The following GIPC2 variants were observed in gnomAD, a reference collection of about 807,000 sequenced individuals.
GIPC2 encodes GIPC PDZ domain containing family member 2.
GIPC2 carries 30 observed loss-of-function variants against 30.6 expected under a neutral mutation model. The observed-to-expected ratio is 0.98, with a 90% CI of 0.73 to 1.33. The LOEUF (loss-of-function observed/expected upper bound fraction) is 1.33, where lower values mean the gene tolerates loss of function less well. GIPC2 is among the 40% of genes most tolerant of loss of function. The pLI, the probability that GIPC2 is intolerant of heterozygous loss-of-function variation, is 0.00. For missense variants in GIPC2, 414 were observed against 390.3 expected (o/e 1.06, Z -0.51); for synonymous variants, 167 against 150.0 (o/e 1.11, Z -0.83).
At chr1:78,050,016 C>G (rs190964792) in intron 1 of GIPC2, among the ~76,000 whole-genome samples, 9 of 151,524 alleles carry the variant, frequency 5.9e-5, no homozygotes, top group African/African-American at 2.2e-4. Context: ...CCTGCCTCAG[C>G]CTCCTGAATA....
intron 1 of GIPC2, among the ~76,000 whole-genome samples, chr1:78,079,211 C>T (rs1661781419): frequency 6.6e-6 from 1 of 152,076 alleles, no homozygotes; most frequent in Non-Finnish European, 1.5e-5. Flanking sequence ...AGTTGGGGGG[C>T]CATAGTTGTT....
At chr1:78,124,138 A>C (rs184148410) in intron 4 of GIPC2, among the ~76,000 whole-genome samples, 23 of 152,332 alleles carry the variant, frequency 1.5e-4, no homozygotes, top group Admixed American at 1.4e-3. Context: ...ATCTTTGGGC[A>C]ATTCCATTTT....
At position 78,097,246 on chromosome 1, in the gene GIPC2, A is replaced by G. The variant is rs1332049897; in HGVS notation, c.607+2114A>G. ...TGGCATTATTATTGACTCAGGGCCA[A>G]GAATTCAAATTTCATAGTCCTTCAT... On this transcript the variant is annotated intron_variant, in intron 3 of 5. Transcript: ENST00000370759. Among the ~76,000 whole-genome samples, 7 of 152,174 alleles carry G rather than the reference A, an allele frequency of 4.6e-5. No individual in the cohort carries two copies. The East Asian group carries it at 1.2e-3, about 25-fold the overall frequency.
At chr1:78,110,715 T>C (rs1172812966) in intron 3 of GIPC2, among the ~76,000 whole-genome samples, 3 of 152,172 alleles carry the variant, frequency 2.0e-5, no homozygotes, top group Non-Finnish European at 4.4e-5. Context: ...CTGGAACACT[T>C]TCCTCTCTCT....
In GIPC2 at chr1:78,080,813, C is replaced by G; in HGVS notation, c.379C>G (p.Leu127Val). Residue 127 changes from leucine to valine, a missense_variant, in exon 2 of 6, where the codon CTT (leucine) becomes GTT (valine). By Grantham distance (32) the Leu-to-Val change is conservative (BLOSUM62 1). Coordinates refer to ENST00000370759, the MANE Select transcript of GIPC2 (RefSeq NM_017655.6). ...EVNVYKSEDS[L>V]GLTITDNGVG... ...GAATGTGTATAAATCTGAGGATTCA[C>G]TTGGTCTCACCATTACAGATAATGG... The G allele has an allele frequency of 1.2e-6, 2 of 1,611,120 alleles. No individual in the cohort carries two copies. The highest frequency in any genetic ancestry group is 1.1e-5 in the South Asian group (1 of 90,850).
intron 1 of GIPC2, among the ~76,000 whole-genome samples, chr1:78,072,500 T>G (rs996624761): frequency 5.9e-5 from 9 of 152,236 alleles, no homozygotes; most frequent in Non-Finnish European, 1.0e-4. Flanking sequence ...TCTGTCCCTG[T>G]GGCTTAGGTA....
At chr1:78,106,201 T>C (rs1321037236) in intron 3 of GIPC2, among the ~76,000 whole-genome samples, 7 of 140,542 alleles carry the variant, frequency 5.0e-5, no homozygotes, top group East Asian at 4.3e-4. Flanking sequence ...CGCCACTGCA[T>C]TCCAGCCTGG....
chr1:78,125,200 T>C (rs1662760174), intron 4 of GIPC2, among the ~76,000 whole-genome samples: 1 of 151,750 alleles, frequency 6.6e-6, no homozygotes, highest in Non-Finnish European at 1.5e-5. Context: ...CTGGTTACTT[T>C]TAAATTAAAT....
intron 5 of GIPC2, among the ~76,000 whole-genome samples, chr1:78,128,741 G>GCCCTAACCCTAA (rs368764122): frequency 6.6e-5 from 10 of 151,976 alleles, no homozygotes; most frequent in African/African-American, 2.2e-4. Flanking sequence ...TTGGCTTGAG[G>GCCCTAACCCTAA]CCCTAACCCT....
chr1:78,110,588 A>G (rs1017783672), intron 3 of GIPC2, among the ~76,000 whole-genome samples: 1 of 152,184 alleles, frequency 6.6e-6, no homozygotes, highest in African/African-American at 2.4e-5. Context: ...CAAAGGAATC[A>G]TTTCTGGAAG....
Position 78,046,066 on chromosome 1 carries a change from A to T in GIPC2, c.-29A>T. 1.4e-6 allele frequency: 2 copies of T among 1,409,262 alleles called. No homozygotes were observed. Among genetic ancestry groups the T allele is most frequent in the Non-Finnish European group, 1.8e-6 (2 of 1,084,938 alleles). The allele number at this position is 1,409,262 out of a possible 1,614,324, so 87.3% of individuals were successfully genotyped here. On this transcript the variant is annotated 5_prime_UTR_variant, in exon 1 of 6. Coordinates refer to ENST00000370759, the MANE Select transcript of GIPC2 (RefSeq NM_017655.6). The stretch of plus-strand genomic sequence containing the variant: ...GGGAGGAGGCGGCGGACGGCAGCGC[A>T]GGTGGGCCCGCGCTCTCGGCCCTGC...
At chr1:78,121,633 G>T (rs1662685522) in intron 4 of GIPC2, among the ~76,000 whole-genome samples, 1 of 152,102 alleles carries the variant, frequency 6.6e-6, no homozygotes, top group Admixed American at 6.5e-5. Flanking sequence ...GAGAATGAAA[G>T]GACCGATCAG....
At chr1:78,104,245 T>A (rs908898152) in intron 3 of GIPC2, among the ~76,000 whole-genome samples, 1 of 151,902 alleles carries the variant, frequency 6.6e-6, no homozygotes, top group African/African-American at 2.4e-5. Context: ...TTCAGAATTG[T>A]GGAGTAAAAT....
chr1:78,122,268 A>G (rs557515634), intron 4 of GIPC2, among the ~76,000 whole-genome samples: 3 of 152,372 alleles, frequency 2.0e-5, no homozygotes, highest in African/African-American at 7.2e-5. Context: ...ATGACATAAA[A>G]TCTAATTTCA....
At chr1:78,055,595 C>T (rs1472599912) in intron 1 of GIPC2, among the ~76,000 whole-genome samples, 2 of 152,322 alleles carry the variant, frequency 1.3e-5, no homozygotes, top group African/African-American at 2.4e-5. Flanking sequence ...CTTGACTTTG[C>T]TCCTCCCATT....
chr1:78,065,459 G>A (rs191104947), intron 1 of GIPC2, among the ~76,000 whole-genome samples: 4 of 151,926 alleles, frequency 2.6e-5, no homozygotes, highest in Non-Finnish European at 4.4e-5. Flanking sequence ...CATTAAAATG[G>A]CCATATTGCC....
At chr1:78,054,345 A>G (rs914629723) in intron 1 of GIPC2, among the ~76,000 whole-genome samples, 1 of 152,226 alleles carries the variant, frequency 6.6e-6, no homozygotes, top group Non-Finnish European at 1.5e-5. Context: ...GCTGCTCCTT[A>G]AAAGTTTACT....
chr1:78,045,536 G>A (rs1661051761), upstream of GIPC2: 7 of 984,982 alleles, frequency 7.1e-6, no homozygotes, highest in Non-Finnish European at 8.4e-6. Context: ...CGGCTGAGGG[G>A]GTTTATGAAT....
At chr1:78,085,897 G>GT (rs35412467) in intron 2 of GIPC2, among the ~76,000 whole-genome samples, 53,738 of 120,162 alleles carry the variant, frequency 0.45, 12,670 homozygotes, top group Non-Finnish European at 0.54. Context: ...TCTTTTGAAT[G>GT]TTTTTTTTTT....
Sources: gnomAD v4.1 joint callset for allele counts (sites outside exome capture counted in the v4.1 genomes callset) on GRCh38, gnomAD v4.1.1 for gene constraint, MANE v1.5 for transcripts, NCBI Gene and HGNC (gene_info 2026-07-23, HGNC 2026-07-21) for gene names.